The following ARK2N variants were observed in gnomAD, a reference collection of about 807,000 sequenced individuals.
ARK2N encodes the protein protein ARK2N.
chr18:46,252,464 G>A, the ARK2N span, among the ~76,000 whole-genome samples: 1 of 151,950 alleles, frequency 6.6e-6, no homozygotes, highest in Non-Finnish European at 1.5e-5. Flanking sequence ...TAGTAGAGAT[G>A]GGGTTTCAAC....
At chr18:46,223,825 CAT>C in the ARK2N span, among the ~76,000 whole-genome samples, 1 of 151,970 alleles carries the variant, frequency 6.6e-6, no homozygotes, top group East Asian at 1.9e-4. Context: ...ATGAATTTAT[CAT>C]ATGTTATCAG....
chr18:46,186,997 G>C, the ARK2N span, among the ~76,000 whole-genome samples: 1 of 151,624 alleles, frequency 6.6e-6, no homozygotes, highest in South Asian at 2.1e-4. Flanking sequence ...TGGGATTACA[G>C]ACATGCGTCA....
the ARK2N span, among the ~76,000 whole-genome samples, chr18:46,237,560 T>C: frequency 6.6e-6 from 1 of 152,134 alleles, no homozygotes; most frequent in African/African-American, 2.4e-5. Context: ...GCTAATTTTT[T>C]GTATTTTTAG....
chr18:46,235,993 A>G, the ARK2N span, among the ~76,000 whole-genome samples: 1 of 152,248 alleles, frequency 6.6e-6, no homozygotes, highest in Non-Finnish European at 1.5e-5. Context: ...TCACTGTATC[A>G]GGAATATGTG....
chr18:46,184,777 A>G, the ARK2N span, among the ~76,000 whole-genome samples: 5 of 152,176 alleles, frequency 3.3e-5, no homozygotes, highest in Admixed American at 2.0e-4. Flanking sequence ...TATGAATGCA[A>G]TGGAGTCTCT....
chr18:46,175,971 CATA>C, the ARK2N span, among the ~76,000 whole-genome samples: 1 of 151,842 alleles, frequency 6.6e-6, no homozygotes, highest in Non-Finnish European at 1.5e-5. Context: ...GAGTAACTGT[CATA>C]ATACTCTTTG....
At chr18:46,257,963 G>T in the ARK2N span, among the ~76,000 whole-genome samples, 1 of 149,324 alleles carries the variant, frequency 6.7e-6, no homozygotes, top group East Asian at 2.0e-4. Context: ...GTCTCGCCCT[G>T]TCCTCCAGGC....
At chr18:46,215,120 A>T in the ARK2N span, among the ~76,000 whole-genome samples, 1 of 152,180 alleles carries the variant, frequency 6.6e-6, no homozygotes, top group African/African-American at 2.4e-5. Context: ...GGAGTTCGAG[A>T]CCAGCCTGGG....
chr18:46,184,226 G>A, the ARK2N span, among the ~76,000 whole-genome samples: 1 of 152,120 alleles, frequency 6.6e-6, no homozygotes, highest in Admixed American at 6.6e-5. Context: ...TCCTGACCTC[G>A]TGATCTGCCT....
At chr18:46,216,552 A>T in the ARK2N span, 4 of 1,614,106 alleles carry the variant, frequency 2.5e-6, no homozygotes, top group South Asian at 1.1e-5. This position sits in a 1 kb window ranked among gnomAD's most constrained non-coding sequence, Gnocchi z 4.3. Context: ...ATGATGATGA[A>T]GAGGTTTCAG....
the ARK2N span, among the ~76,000 whole-genome samples, chr18:46,224,402 A>G: frequency 1.6e-4 from 24 of 152,200 alleles, no homozygotes; most frequent in Admixed American, 2.0e-4. Flanking sequence ...CTTTTGTGTG[A>G]TAAGAATCAT....
the ARK2N span, among the ~76,000 whole-genome samples, chr18:46,193,755 C>T: frequency 4.0e-5 from 6 of 151,438 alleles, no homozygotes; most frequent in East Asian, 7.9e-4. Flanking sequence ...CATGCCAACA[C>T]GCCTGGCTGA....
chr18:46,245,438 G>A, the ARK2N span, among the ~76,000 whole-genome samples: 1,037 of 151,902 alleles, frequency 6.8e-3, 8 homozygotes, highest in African/African-American at 0.023. Flanking sequence ...GCACGGTGGC[G>A]TGGGCTCCTG....
At chr18:46,262,457 A>G in the ARK2N span, among the ~76,000 whole-genome samples, 3 of 152,234 alleles carry the variant, frequency 2.0e-5, no homozygotes, top group Non-Finnish European at 4.4e-5. Flanking sequence ...AATCTGTGAA[A>G]GGGTATTACT....
the ARK2N span, among the ~76,000 whole-genome samples, chr18:46,233,542 AG>A: frequency 2.1e-4 from 32 of 152,276 alleles, no homozygotes; most frequent in African/African-American, 7.5e-4. Context: ...CTTGAATCAG[AG>A]GCTTCATAAC....
chr18:46,253,800 T>C, the ARK2N span: 1 of 1,612,026 alleles, frequency 6.2e-7, no homozygotes, highest in African/African-American at 1.3e-5. Flanking sequence ...AAGTAGAGAT[T>C]GTGGGAGTTC....
At chr18:46,180,994 A>T in the ARK2N span, among the ~76,000 whole-genome samples, 4 of 151,096 alleles carry the variant, frequency 2.6e-5, no homozygotes, top group South Asian at 8.4e-4. Context: ...GGGCATGGTA[A>T]CTCACGCCTG....
chr18:46,199,063 C>T, the ARK2N span, among the ~76,000 whole-genome samples: 1 of 152,144 alleles, frequency 6.6e-6, no homozygotes, highest in Non-Finnish European at 1.5e-5. Context: ...CATAGAATTA[C>T]AGCAAATGAG....
At chr18:46,191,524 T>C in the ARK2N span, among the ~76,000 whole-genome samples, 1 of 152,142 alleles carries the variant, frequency 6.6e-6, no homozygotes, top group Non-Finnish European at 1.5e-5. Context: ...GGGTTCACTC[T>C]TTTTGTATTG....
Sources: allele counts gnomAD v4.1 joint callset (sites outside exome capture counted in the v4.1 genomes callset), GRCh38; gene constraint gnomAD v4.1.1; non-coding constraint Gnocchi (gnomAD v3.1); transcripts MANE v1.5; gene names NCBI Gene and HGNC (gene_info 2026-07-23, HGNC 2026-07-21).